DDHD1: variants seen among roughly 807,000 people sequenced by gnomAD.
DDHD1 encodes the protein phospholipase DDHD1.
A neutral mutation model predicts 96.4 loss-of-function variants in DDHD1; 49 were observed. The observed-to-expected ratio is 0.51, with a 90% CI of 0.40 to 0.64. DDHD1 has a LOEUF of 0.64. Ranked by LOEUF, DDHD1 falls within the 30% of genes least tolerant of loss-of-function variation. DDHD1 has a pLI of 0.00. For missense variants in DDHD1, 1,106 were observed against 1,161.2 expected, an observed-to-expected ratio of 0.95 and a Z score of 0.69; for synonymous variants, 442 against 446.5, an observed-to-expected ratio of 0.99 and a Z score of 0.13.
At chr14:53,106,767 C>T (rs1016248317) in intron 1 of DDHD1, among the ~76,000 whole-genome samples, 1 of 152,158 alleles carries the variant, frequency 6.6e-6, no homozygotes, top group African/African-American at 2.4e-5. Flanking sequence ...AATAGTTTTA[C>T]TAGGCTATGA....
At chr14:53,111,193 C>T (rs1032934881) in intron 1 of DDHD1, among the ~76,000 whole-genome samples, 10 of 152,142 alleles carry the variant, frequency 6.6e-5, no homozygotes, top group Admixed American at 5.2e-4. Context: ...CGGTGGCTCA[C>T]GCCTAGAATC....
chr14:53,048,476 T>A (rs971312447), intron 12 of DDHD1: 1 of 151,998 alleles, frequency 6.6e-6, no homozygotes, highest in African/African-American at 2.4e-5. Context: ...TAGCTGGGAT[T>A]ACAGGTGTCC....
In DDHD1 at chr14:53,055,912, C is replaced by T; in HGVS notation, c.1993G>A (p.Ala665Thr). 3.1e-6 allele frequency: 5 copies of T among 1,595,752 alleles called. No homozygotes were observed. Among genetic ancestry groups the T allele is most frequent in the Non-Finnish European group, 4.3e-6 (5 of 1,172,312 alleles). The part of the protein sequence containing the change: ...LNIFHPTDPV[A>T]YRLEPLILKH... ...AGTATTAATGGTTCTAATCTATAAG[C>T]CTTGATTTAAAAAAAAAAATTCAAA... Residue 665 changes from alanine (A) to threonine (T), a missense_variant and splice_region_variant, in exon 10 of 13, where the codon GCT (alanine) becomes ACT (threonine). Ala to Thr is a moderately conservative substitution (Grantham distance 58). Transcript: ENST00000673822.
At chr14:53,115,653 A>G (rs1888487404) in intron 1 of DDHD1, among the ~76,000 whole-genome samples, 1 of 152,180 alleles carries the variant, frequency 6.6e-6, no homozygotes. Context: ...GGAGAAATAA[A>G]ATCCTTTACA....
intron 4 of DDHD1, among the ~76,000 whole-genome samples, chr14:53,076,686 C>G (rs1884987151): frequency 6.6e-6 from 1 of 152,166 alleles, no homozygotes; most frequent in South Asian, 2.1e-4. Context: ...ATGTGGCTAA[C>G]TTCACTGTTG....
rs1881781826 is a variant in DDHD1, at chr14:53,043,309, C to T, written c.*3459G>A. Reference sequence around the variant, plus strand: ...TCAGTGTGAGTACTTCAAAAGATAACAGATGCCGTTTAACAGAAAGAAGTA... The same window carrying T: ...TCAGTGTGAGTACTTCAAAAGATAATAGATGCCGTTTAACAGAAAGAAGTA... On this transcript the variant is annotated 3_prime_UTR_variant, in exon 13 of 13. Coordinates refer to ENST00000673822, the MANE Select transcript of DDHD1 (RefSeq NM_001160148.2). 6.6e-6 allele frequency: 1 copy of T among 152,070 alleles called. No individual in the cohort carries two copies. The highest frequency in any genetic ancestry group is 1.5e-5 in the Non-Finnish European group (1 of 68,056). 9.4% of individuals were successfully genotyped at this position (152,070 alleles called of 1,614,324 possible).
At chr14:53,120,884 C>G (rs1277468876) in intron 1 of DDHD1, among the ~76,000 whole-genome samples, 1 of 152,148 alleles carries the variant, frequency 6.6e-6, no homozygotes, top group East Asian at 1.9e-4. Flanking sequence ...AGGACATAGG[C>G]ATGGACAAAG....
chr14:53,058,434 C>T (rs780288525), intron 9 of DDHD1, 43 bp downstream of exon 9: 5 of 1,568,332 alleles, frequency 3.2e-6, no homozygotes. Flanking sequence ...TTTTTAGGAA[C>T]AATTTGACAT....
chr14:53,129,790 C>G (rs962454924), intron 1 of DDHD1, among the ~76,000 whole-genome samples: 1 of 152,198 alleles, frequency 6.6e-6, no homozygotes, highest in Non-Finnish European at 1.5e-5. Context: ...TTATTTTCTT[C>G]TGCAACACTG....
chr14:53,110,739 G>A (rs1247592375), intron 1 of DDHD1, among the ~76,000 whole-genome samples: 4 of 152,164 alleles, frequency 2.6e-5, no homozygotes, highest in Non-Finnish European at 4.4e-5. Flanking sequence ...ACTTAAGGAC[G>A]CTGAGGTGGG....
In DDHD1 at chr14:53,036,928, G is replaced by A. The variant is rs1264400239; in HGVS notation, c.*9840C>T. 1.3e-5 allele frequency: 2 copies of A among 151,966 alleles called. No individual in the cohort carries two copies. Among genetic ancestry groups the A allele is most frequent in the Non-Finnish European group, 2.9e-5 (2 of 68,008 alleles). The allele number at this position is 151,966 out of a possible 1,614,324, so 9.4% of individuals were successfully genotyped here. ...AGGTAGTTTTTCAACCTATCCTTCT[G>A]CCCTCCTCACCCACAGTGTTCCAGT... On this transcript the variant is annotated 3_prime_UTR_variant, in exon 13 of 13. Coordinates refer to ENST00000673822, the MANE Select transcript of DDHD1 (RefSeq NM_001160148.2).
At position 53,045,835 on chromosome 14, in the gene DDHD1, G is replaced by T. The variant is rs1057115384; in HGVS notation, c.*933C>A. The T allele has an allele frequency of 1.3e-5, 2 of 152,056 alleles. No individual in the cohort carries two copies. Among genetic ancestry groups the T allele is most frequent in the African/African-American group, 4.8e-5 (2 of 41,394 alleles). The allele number at this position is 152,056 out of a possible 1,614,324, so 9.4% of individuals were successfully genotyped here. On this transcript the variant is annotated 3_prime_UTR_variant, in exon 13 of 13. Transcript: ENST00000673822. ...TCACATCCCTTCATATATGTTGTTT[G>T]GCACACAAATGTTTATACATTTAAA... is the stretch of plus-strand genomic sequence containing the variant.
chr14:53,110,163 G>A (rs117666083), intron 1 of DDHD1, among the ~76,000 whole-genome samples: 426 of 152,334 alleles, frequency 2.8e-3, no homozygotes, highest in Non-Finnish European at 4.9e-3. Flanking sequence ...ACTAAATGCT[G>A]TTTATTCCAT....
chr14:53,068,270 G>T lies in DDHD1; in HGVS notation c.1503+4327C>A, dbSNP rs117725039. On this transcript the variant is annotated intron_variant, in intron 6 of 12. Coordinates refer to ENST00000673822, the MANE Select transcript of DDHD1 (RefSeq NM_001160148.2). ...TTTTTTTTTTTTTTTTTGAGATGGG[G>T]TCTTGCTCTTTCACCCAGGTTGGAG... is the stretch of plus-strand genomic sequence containing the variant. Among the ~76,000 whole-genome samples, 82 of 94,386 alleles carry T rather than the reference G, an allele frequency of 8.7e-4. 2 individuals carry two copies. The East Asian group carries it at 0.019, about 22-fold the overall frequency. The allele number at this position is 94,386 out of a possible 152,430, so 61.9% of individuals were successfully genotyped here. A position where few individuals can be genotyped will look rare whatever the true frequency, so the allele number is the denominator to read the frequency against.
At chr14:53,073,224 T>C (rs1355220543) in intron 5 of DDHD1, among the ~76,000 whole-genome samples, 1 of 152,076 alleles carries the variant, frequency 6.6e-6, no homozygotes, top group African/African-American at 2.4e-5. Flanking sequence ...ACAACTAAAC[T>C]GATTTTATTT....
rs1373449557 is a variant in DDHD1, at chr14:53,041,351, A to T, written c.*5417T>A. ...AGGCAGAGGAAAAGTTCACCCTAACAATCTGCCAATGGACTATTTTTGGGG... is the reference window on the plus strand; with the variant it reads ...AGGCAGAGGAAAAGTTCACCCTAACTATCTGCCAATGGACTATTTTTGGGG... On this transcript the variant is annotated 3_prime_UTR_variant, in exon 13 of 13. Coordinates refer to ENST00000673822, the MANE Select transcript of DDHD1 (RefSeq NM_001160148.2). The T allele has an allele frequency of 6.6e-6, 1 of 152,218 alleles. No homozygotes were observed. Among genetic ancestry groups the T allele is most frequent in the Non-Finnish European group, 1.5e-5 (1 of 68,036 alleles). 9.4% of individuals were successfully genotyped at this position (152,218 alleles called of 1,614,324 possible).
intron 1 of DDHD1, among the ~76,000 whole-genome samples, chr14:53,121,773 GAAGCA>G (rs1889008692): frequency 6.6e-6 from 1 of 152,018 alleles, no homozygotes; most frequent in African/African-American, 2.4e-5. Context: ...CAGGGGTCAG[GAAGCA>G]AGGGAGGGAG....
intron 1 of DDHD1, among the ~76,000 whole-genome samples, chr14:53,135,068 C>T (rs1190899416): frequency 1.3e-5 from 2 of 152,086 alleles, no homozygotes; most frequent in Non-Finnish European, 2.9e-5. Flanking sequence ...TTTGCCACCC[C>T]AACACTTCAC....
intron 1 of DDHD1, among the ~76,000 whole-genome samples, chr14:53,121,847 G>A (rs915634072): frequency 6.6e-6 from 1 of 151,450 alleles, no homozygotes; most frequent in Non-Finnish European, 1.5e-5. Flanking sequence ...TGGGTTGATA[G>A]GTGCAACAAA....
Sources: allele counts gnomAD v4.1 joint callset (sites outside exome capture counted in the v4.1 genomes callset), GRCh38; gene constraint gnomAD v4.1.1; transcripts MANE v1.5; gene names NCBI Gene and HGNC (gene_info 2026-07-23, HGNC 2026-07-21).